CDR2: variants seen among roughly 807,000 people sequenced by gnomAD.
CDR2 encodes cerebellar degeneration related protein 2, also known as cerebellar degeneration-related protein 2.
In CDR2, 34 loss-of-function variants were observed where a neutral mutation model predicts 48.4. The observed-to-expected ratio is 0.70, with a 90% confidence interval of 0.53 to 0.94. The LOEUF (loss-of-function observed/expected upper bound fraction) is 0.94, where lower values mean the gene tolerates loss of function less well. Among genes scored for constraint, CDR2 ranks in the 40% least tolerant of loss-of-function variants. The pLI is 0.00. For synonymous variants in CDR2, 240 were observed against 219.7 expected (o/e 1.09, Z -0.82); for missense variants, 498 against 549.5 (o/e 0.91, Z 0.94).
chr16:22,366,305 A>C (rs2049044315), intron 1 of CDR2, among the ~76,000 whole-genome samples: 1 of 152,200 alleles, frequency 6.6e-6, no homozygotes. Flanking sequence ...AGGAGCCATA[A>C]GGAACTCACA....
chr16:22,349,271 G>A lies in CDR2; in HGVS notation c.506+8C>T, dbSNP rs552844511. 1 of 1,613,982 alleles carries A rather than the reference G, an allele frequency of 6.2e-7. No individual in the cohort carries two copies. The highest frequency in any genetic ancestry group is 1.7e-5 in the Admixed American group (1 of 60,024). On this transcript the variant is annotated splice_region_variant and intron_variant, in intron 4 of 4. Transcript: ENST00000268383. ...CTGCTGTAACTCCACAGAAAGGCAG[G>A]CTCTTACTGGCGGAGGTCATACAGC...
chr16:22,356,960 A>C (rs1289248125), intron 2 of CDR2, among the ~76,000 whole-genome samples: 2 of 150,678 alleles, frequency 1.3e-5, no homozygotes, highest in Admixed American at 1.3e-4. Flanking sequence ...AAAGAAAAAA[A>C]AAAAAAAAAA....
intron 2 of CDR2, among the ~76,000 whole-genome samples, chr16:22,354,210 A>G (rs1598292156): frequency 6.6e-6 from 1 of 152,190 alleles, no homozygotes; most frequent in Admixed American, 6.5e-5. Context: ...CAGGCAGTCC[A>G]GAGATCACAC....
Position 22,347,723 on chromosome 16 carries a change from T to TCA in CDR2, c.605_606dup (p.Thr203Ter), listed in dbSNP as rs2048916756. The TCA allele has an allele frequency of 6.2e-7, 1 of 1,614,010 alleles. No individual in the cohort carries two copies. Among genetic ancestry groups the TCA allele is most frequent in the Non-Finnish European group, 8.5e-7 (1 of 1,180,046 alleles). ...AGGCTCAGCTGGGCCTGCAACATTGTCACTGTTTTTTTCAAGTGCTCATTT... is the reference window on the plus strand; with the variant it reads ...AGGCTCAGCTGGGCCTGCAACATTGTCACACTGTTTTTTTCAAGTGCTCATTT... On this transcript the variant is annotated frameshift_variant, in exon 5 of 5. Transcript: ENST00000268383. LOFTEE classifies it high-confidence loss of function.
At chr16:22,349,028 A>T in intron 4 of CDR2, 1 of 343,818 alleles carries the variant, frequency 2.9e-6, no homozygotes. Context: ...CTAGTCTATC[A>T]GAATTCATCT....
intron 4 of CDR2, chr16:22,349,046 T>C (rs1028775721): frequency 1.7e-5 from 7 of 400,200 alleles, no homozygotes; most frequent in African/African-American, 1.4e-4. Context: ...TCTTAAACTA[T>C]GATTTAATAC....
In CDR2 at chr16:22,374,503, C is replaced by T. The variant is rs1332081136; in HGVS notation, c.-194G>A. ...CGACCGGCCGGCTGCCTCGACTCGC[C>T]TCGCGCCTACCGACGGCCCCAACGG... On this transcript the variant is annotated 5_prime_UTR_variant, in exon 1 of 5. Coordinates refer to ENST00000268383, the MANE Select transcript of CDR2 (RefSeq NM_001802.2). The T allele has an allele frequency of 4.3e-6, 1 of 234,566 alleles. No homozygotes were observed. The highest frequency in any genetic ancestry group is 8.1e-6 in the Non-Finnish European group (1 of 122,756). The allele number at this position is 234,566 out of a possible 1,614,324, so 14.5% of individuals were successfully genotyped here.
At chr16:22,366,074 C>T (rs1199315734) in intron 1 of CDR2, among the ~76,000 whole-genome samples, 1 of 152,168 alleles carries the variant, frequency 6.6e-6, no homozygotes, top group Non-Finnish European at 1.5e-5. Flanking sequence ...TATTAATAGT[C>T]ATTGATTCAC....
chr16:22,367,144 C>G (rs2049049185), intron 1 of CDR2: 1 of 152,596 alleles, frequency 6.6e-6, no homozygotes, highest in South Asian at 2.1e-4. Context: ...CTGCCTCAGC[C>G]TGCCAAACAG....
Position 22,347,485 on chromosome 16 carries a change from G to A in CDR2, c.845C>T (p.Pro282Leu), listed in dbSNP as rs2048914291. 6.2e-7 allele frequency: 1 copy of A among 1,613,922 alleles called. No individual in the cohort carries two copies. The highest frequency in any genetic ancestry group is 1.3e-5 in the African/African-American group (1 of 74,928). The stretch of plus-strand genomic sequence containing the variant: ...CAGGCTCTGGCTGGGCTCTTTGAAA[G>A]GAACATACAGAGAGTCTGGCACCAG... ...EKLVPDSLYVPFKEPSQSLLE... is the reference protein window; with the variant it reads ...EKLVPDSLYVLFKEPSQSLLE... Residue 282 changes from proline to leucine, a missense_variant, in exon 5 of 5, where the codon CCT becomes CTT. Physicochemically the swap from Pro to Leu is moderately conservative, Grantham distance 98 (BLOSUM62 -3). Coordinates refer to ENST00000268383, the MANE Select transcript of CDR2 (RefSeq NM_001802.2).
chr16:22,371,900 T>C (rs1002738543), intron 1 of CDR2, among the ~76,000 whole-genome samples: 16 of 151,768 alleles, frequency 1.1e-4, no homozygotes, highest in African/African-American at 3.6e-4. Context: ...AGAGGGAGTT[T>C]CGTTCTTGTC....
chr16:22,347,067 T>C lies in CDR2; in HGVS notation c.1263A>G (p.Glu421=), dbSNP rs1417501696. 6.2e-7 allele frequency: 1 copy of C among 1,614,212 alleles called. No individual in the cohort carries two copies. Among genetic ancestry groups the C allele is most frequent in the Non-Finnish European group, 8.5e-7 (1 of 1,180,032 alleles). Residue 421 remains glutamate (E), a synonymous_variant, in exon 5 of 5, where the codon GAA becomes GAG. Transcript: ENST00000268383. ...AGATCTCCTTAAACAACGCTTTGTA[T>C]TCTGGAGGTGTTGTAGGGGAACTCA... ...EPVSSPTTPP[E]YKALFKEIFS...
rs1332056315 is a variant in CDR2, at chr16:22,349,365, G to A, written c.420C>T (p.Gly140=). The change falls in exon 4 of 5, where the codon GGC becomes GGT. Residue 140 remains glycine, a synonymous_variant. Transcript: ENST00000268383. ...QSQVEELKSS[G]QGRRSPGKCD... is the part of the protein sequence containing the mutation. ...ACTTTCCCGGGCTCCTTCTCCCTTG[G>A]CCAGATGACTTCAGCTCCTCCACTT... is the stretch of plus-strand genomic sequence containing the variant. The A allele has an allele frequency of 6.2e-7, 1 of 1,614,116 alleles. No individual in the cohort carries two copies. Among genetic ancestry groups the A allele is most frequent in the Non-Finnish European group, 8.5e-7 (1 of 1,180,026 alleles).
At chr16:22,351,076 T>C (rs1018971648) in intron 2 of CDR2, among the ~76,000 whole-genome samples, 1 of 152,170 alleles carries the variant, frequency 6.6e-6, no homozygotes, top group Non-Finnish European at 1.5e-5. Context: ...AATGATCTCG[T>C]TGTTCAATTC....
At chr16:22,353,912 G>GA (rs2048958141) in intron 2 of CDR2, among the ~76,000 whole-genome samples, 2 of 151,852 alleles carry the variant, frequency 1.3e-5, no homozygotes, top group South Asian at 4.2e-4. Context: ...GAAGGTTGAG[G>GA]AAAAAAATAT....
intron 2 of CDR2, 23 bp downstream of exon 2, chr16:22,364,879 A>G: frequency 7.2e-7 from 1 of 1,396,924 alleles, no homozygotes; most frequent in Non-Finnish European, 1.0e-6. Flanking sequence ...TCAAAAGTGT[A>G]ACTCTCCTGC....
chr16:22,347,201 T>C lies in CDR2; in HGVS notation c.1129A>G (p.Lys377Glu). Reference sequence around the variant, plus strand: ...GCAGCCCTGGAGGTCTGCACAGCCTTGTGTGACAGGGAGTCCTGTTCCTCT... The same window carrying C: ...GCAGCCCTGGAGGTCTGCACAGCCTCGTGTGACAGGGAGTCCTGTTCCTCT... ...CQEEQDSLSHKAVQTSRAAAK... is the reference protein window; with the variant it reads ...CQEEQDSLSHEAVQTSRAAAK... The change falls in exon 5 of 5, where the codon AAG becomes GAG. Residue 377 changes from lysine (K) to glutamate (E), a missense_variant. Coordinates refer to ENST00000268383, the MANE Select transcript of CDR2 (RefSeq NM_001802.2). 11 of 1,614,204 alleles carry C rather than the reference T, an allele frequency of 6.8e-6. No individual in the cohort carries two copies. Among genetic ancestry groups the C allele is most frequent in the Non-Finnish European group, 9.3e-6 (11 of 1,180,034 alleles).
At chr16:22,372,903 G>C (rs1396222095) in intron 1 of CDR2, among the ~76,000 whole-genome samples, 1 of 152,186 alleles carries the variant, frequency 6.6e-6, no homozygotes, top group Non-Finnish European at 1.5e-5. Flanking sequence ...GCATGAACAA[G>C]CAACATGATC....
chr16:22,347,961 C>T (rs568580210), intron 4 of CDR2, 138 bp from the exon 5 acceptor site: 20 of 810,206 alleles, frequency 2.5e-5, no homozygotes, highest in East Asian at 8.2e-5. Context: ...TTTTTTGAGA[C>T]GGAGTCTCAC....
Sources: gnomAD v4.1 joint callset for allele counts (sites outside exome capture counted in the v4.1 genomes callset) on GRCh38, gnomAD v4.1.1 for gene constraint, MANE v1.5 for transcripts, NCBI Gene and HGNC (gene_info 2026-07-23, HGNC 2026-07-21) for gene names.